The following TAF6 variants were observed in gnomAD, a reference collection of about 807,000 sequenced individuals.
The protein encoded by TAF6 is transcription initiation factor TFIID subunit 6.
A neutral mutation model predicts 73.5 loss-of-function variants in TAF6; 50 were observed. The ratio of observed to expected loss-of-function variants is 0.68; its 90% CI spans 0.54 to 0.86. TAF6 has a LOEUF of 0.86. Among genes scored for constraint, TAF6 ranks in the 40% least tolerant of loss-of-function variants. The pLI is 0.00. For missense variants in TAF6, 768 were observed against 899.5 expected (o/e 0.85, Z 1.87); for synonymous variants, 424 against 376.7 (o/e 1.13, Z -1.45).
At chr7:100,114,001 G>A in intron 2 of TAF6, 47 bp from the exon 3 acceptor site, 7 of 1,614,118 alleles carry the variant, frequency 4.3e-6, no homozygotes, top group South Asian at 2.2e-5. Context: ...CCTAAGGACG[G>A]GGCCCTGGGT....
chr7:100,108,212 TC>T (rs1796766865), intron 13 of TAF6, 89 bp from the exon 14 acceptor site: 1 of 1,469,060 alleles, frequency 6.8e-7, no homozygotes, highest in Non-Finnish European at 9.1e-7. Flanking sequence ...TCGCTCTTCC[TC>T]AGTGGCTCTC....
intron 12 of TAF6, among the ~76,000 whole-genome samples, chr7:100,109,311 T>A: frequency 6.9e-6 from 1 of 144,554 alleles, no homozygotes. Flanking sequence ...GGTTACAGAG[T>A]GAGACTCCAT....
intron 6 of TAF6, 63 bp downstream of exon 6, chr7:100,112,735 C>T: frequency 6.6e-7 from 1 of 1,517,428 alleles, no homozygotes; most frequent in Non-Finnish European, 8.8e-7. Context: ...AAAAAGGAAA[C>T]AAAACAAACG....
chr7:100,124,944 T>C, the TAF6 span: 1 of 1,522,412 alleles, frequency 6.6e-7, no homozygotes, highest in Non-Finnish European at 8.8e-7. Context: ...CTCTAAAGCC[T>C]GCACTCTCCC....
rs2116781626 is a variant in TAF6 at position 100,111,821 on chromosome 7, C to G, written c.807G>C (p.Val269=). 6.2e-7 allele frequency: 1 copy of G among 1,614,234 alleles called. No homozygotes were observed. Among genetic ancestry groups the G allele is most frequent in the South Asian group, 1.1e-5 (1 of 91,080 alleles). Residue 269 remains valine (V), a synonymous_variant, in exon 9 of 15, where the codon GTG becomes GTC. Transcript: ENST00000453269. ...GGGCCAGGTTGTTCTGAACCACGTTCACACGGACCTGTGGGAGGGAGAAGT... is the reference window on the plus strand; with the variant it reads ...GGGCCAGGTTGTTCTGAACCACGTTGACACGGACCTGTGGGAGGGAGAAGT... ...FSTFISEGVR[V]NVVQNNLALL...
intron 1 of TAF6, among the ~76,000 whole-genome samples, chr7:100,117,115 G>A (rs1448353716): frequency 6.6e-6 from 1 of 151,894 alleles, no homozygotes; most frequent in African/African-American, 2.4e-5. Context: ...GCGTGGTGAT[G>A]TGCACCTGTA....
chr7:100,119,132 C>G (rs527716801), intron 1 of TAF6, 72 bp downstream of exon 1: 19 of 986,588 alleles, frequency 1.9e-5, no homozygotes, highest in Non-Finnish European at 2.2e-5. Flanking sequence ...GAGAGCCCAC[C>G]CCATCTCCTG....
At chr7:100,114,360 C>A in intron 1 of TAF6, 92 bp from the exon 2 acceptor site, 1 of 1,249,110 alleles carries the variant, frequency 8.0e-7, no homozygotes. Flanking sequence ...AGGGGAGGAA[C>A]TCCGAGTGTC....
At chr7:100,122,995 A>AGACAT, upstream of TAF6, 13 of 1,382,298 alleles carry the variant, frequency 9.4e-6, no homozygotes, top group Non-Finnish European at 1.2e-5. Context: ...GGGGATGTCT[A>AGACAT]CCCCTAAGCA....
chr7:100,122,066 AGATG>A, upstream of TAF6: 2 of 537,666 alleles, frequency 3.7e-6, no homozygotes, highest in South Asian at 2.2e-5. Context: ...AAAAAAAAAA[AGATG>A]AAGAAACCGA....
chr7:100,107,544 T>A lies in TAF6; in HGVS notation c.1736A>T (p.Gln579Leu). Reference protein sequence around the residue: ...SPVTTTVPSVQPIVKLVSTAT... With the variant: ...SPVTTTVPSVLPIVKLVSTAT... ...GGTGGAGACCAACTTGACGATGGGC[T>A]GCACGCTGGGGACGGTGGTGGTGAC... Residue 579 changes from glutamine (Q) to leucine (L), a missense_variant, in exon 15 of 15, where the codon CAG becomes CTG. Around this residue, in one of 5 missense-constraint regions of TAF6, gnomAD observed 350 missense variants for 352.3 expected, o/e 0.99. Transcript: ENST00000453269. 1 of 1,613,960 alleles carries A rather than the reference T, an allele frequency of 6.2e-7. No individual in the cohort carries two copies. The highest frequency in any genetic ancestry group is 8.5e-7 in the Non-Finnish European group (1 of 1,179,972).
upstream of TAF6, among the ~76,000 whole-genome samples, chr7:100,123,714 G>A (rs1189500038): frequency 1.3e-5 from 2 of 152,112 alleles, no homozygotes; most frequent in Non-Finnish European, 2.9e-5. Flanking sequence ...TAGAGACGGG[G>A]TTTCATCATG....
upstream of TAF6, chr7:100,119,594 G>A: frequency 1.3e-6 from 2 of 1,502,540 alleles, no homozygotes; most frequent in Non-Finnish European, 8.9e-7. Flanking sequence ...GTAGCAACGA[G>A]GCCCCACCCT....
intron 4 of TAF6, 51 bp downstream of exon 4, chr7:100,113,565 A>G (rs1418608072): frequency 6.2e-7 from 1 of 1,602,728 alleles, no homozygotes; most frequent in African/African-American, 1.3e-5. Context: ...ACCTACACAC[A>G]TCTGTCCTCC....
chr7:100,125,957 C>T, the TAF6 span, among the ~76,000 whole-genome samples: 6 of 152,196 alleles, frequency 3.9e-5, no homozygotes, highest in Admixed American at 2.6e-4. Context: ...GAGGCCAAGG[C>T]GGGTGGATAA....
chr7:100,114,201 C>G lies in TAF6; in HGVS notation c.9G>C (p.Glu3Asp), dbSNP rs962330824. 4 of 1,614,222 alleles carry G rather than the reference C, an allele frequency of 2.5e-6. No homozygotes were observed. Among genetic ancestry groups the G allele is most frequent in the Non-Finnish European group, 3.4e-6 (4 of 1,180,054 alleles). ...TGTTGCTAAGCTTCAGCTTCTTCTCCTCAGCCATTCTGGAGTCCCTCTTCT... is the reference window on the plus strand; with the variant it reads ...TGTTGCTAAGCTTCAGCTTCTTCTCGTCAGCCATTCTGGAGTCCCTCTTCT... MA[E>D]EKKLKLSNTV... Residue 3 changes from glutamate (E) to aspartate (D), a missense_variant, in exon 2 of 15, where the codon GAG becomes GAC. Transcript: ENST00000453269.
At position 100,108,074 on chromosome 7, in the gene TAF6, G is replaced by GA; in HGVS notation, c.1507_1508insT (p.Thr503IlefsTer235). On this transcript the variant is annotated frameshift_variant, in exon 14 of 15. Transcript: ENST00000453269. LOFTEE classifies it high-confidence loss of function. The stretch of plus-strand genomic sequence containing the variant: ...GCCAGGAACCTTCAGCAAGCCAGGG[G>GA]TGCGAGGGCCAGGCTGTGGGGCCTG... The GA allele has an allele frequency of 6.2e-7, 1 of 1,612,020 alleles. No homozygotes were observed. Among genetic ancestry groups the GA allele is most frequent in the Non-Finnish European group, 8.5e-7 (1 of 1,179,554 alleles).
intron 6 of TAF6, among the ~76,000 whole-genome samples, chr7:100,112,454 T>G (rs1457403565): frequency 6.6e-6 from 1 of 152,198 alleles, no homozygotes; most frequent in African/African-American, 2.4e-5. Context: ...GGCTCACACC[T>G]GTAATCCCAG....
At chr7:100,125,093 G>C in the TAF6 span, 1 of 567,602 alleles carries the variant, frequency 1.8e-6, no homozygotes, top group Non-Finnish European at 3.1e-6. Context: ...TGGAGGTCCT[G>C]CTCCTAGAGA....
Sources: gnomAD v4.1 joint callset for allele counts (sites outside exome capture counted in the v4.1 genomes callset) on GRCh38, gnomAD v4.1.1 for gene constraint, gnomAD v4.1.1 regional missense constraint, MANE v1.5 for transcripts, NCBI Gene and HGNC (gene_info 2026-07-23, HGNC 2026-07-21) for gene names.